CDHR5: variants seen among roughly 807,000 people sequenced by gnomAD.
The protein encoded by CDHR5 is cadherin related family member 5.
A neutral mutation model predicts 69.5 loss-of-function variants in CDHR5; 82 were observed. The observed-to-expected ratio is 1.18, with a 90% CI of 0.99 to 1.42. The LOEUF is 1.42. Ranked by LOEUF, CDHR5 falls within the 40% of genes most tolerant of loss-of-function variation. The pLI is 0.00. For synonymous variants in CDHR5, 601 were observed against 510.2 expected, an observed-to-expected ratio of 1.18 and a Z score of -2.40; for missense variants, 1,293 against 1,168.9, an observed-to-expected ratio of 1.11 and a Z score of -1.55.
In CDHR5 at chr11:624,188, C is replaced by T. The variant is rs374333125; in HGVS notation, c.312+25G>A. ...GCCCAGCAGAGGTGGCCGGGTGGGGCGGGGAGAGCGGGGCGGGGACTCACC... is the reference window on the plus strand; with the variant it reads ...GCCCAGCAGAGGTGGCCGGGTGGGGTGGGGAGAGCGGGGCGGGGACTCACC... On this transcript the variant is annotated intron_variant, in intron 3 of 14. Coordinates refer to ENST00000397542, the MANE Select transcript of CDHR5 (RefSeq NM_021924.5). The surrounding 1 kb of genome is among the most constrained non-coding windows in gnomAD (Gnocchi z 5.3). 19 of 537,180 alleles carry T rather than the reference C, an allele frequency of 3.5e-5. No individual in the cohort carries two copies. The highest frequency in any genetic ancestry group is 5.0e-4 in the Middle Eastern group (1 of 2,006). The allele number at this position is 537,180 out of a possible 1,614,324, so 33.3% of individuals were successfully genotyped here.
rs750099908 is a variant in CDHR5, at chr11:624,764, C to T, written c.86-32G>A. ...GGTTGCAGAGGAGGGATCAGTGCCT[C>T]CCAGCCCCTGGCTCCCCGCCGCCCG... On this transcript the variant is annotated intron_variant, in intron 1 of 14. Coordinates refer to ENST00000397542, the MANE Select transcript of CDHR5 (RefSeq NM_021924.5). The surrounding 1 kb of genome is among the most constrained non-coding windows in gnomAD (Gnocchi z 5.3). The T allele has an allele frequency of 7.5e-6, 12 of 1,603,800 alleles. No homozygotes were observed. The highest frequency in any genetic ancestry group is 1.0e-5 in the Non-Finnish European group (12 of 1,173,562).
chr11:616,949 G>GATC lies in CDHR5; in HGVS notation c.*401_*402insGAT. On this transcript the variant is annotated 3_prime_UTR_variant, in exon 15 of 15. Coordinates refer to ENST00000397542, the MANE Select transcript of CDHR5 (RefSeq NM_021924.5). ...CCTCCCCAGGCAATCTCTGTGTAGG[G>GATC]TCGGGAGCGGGAGGTCTGAGATGAG... 4.6e-6 allele frequency: 1 copy of GATC among 217,000 alleles called. No individual in the cohort carries two copies. The highest frequency in any genetic ancestry group is 9.3e-6 in the Non-Finnish European group (1 of 107,762). 13.4% of individuals were successfully genotyped at this position (217,000 alleles called of 1,614,324 possible).
Position 624,450 on chromosome 11 carries a change from G to A in CDHR5, c.261+107C>T. On this transcript the variant is annotated intron_variant, in intron 2 of 14. Transcript: ENST00000397542. This position sits in a 1 kb window ranked among gnomAD's most constrained non-coding sequence, Gnocchi z 5.3. ...GGCACCACCAAGCATGGGTGTCAGT[G>A]GATGCCCGCAGGCATAGAACTCCTA... The A allele has an allele frequency of 8.6e-7, 1 of 1,161,628 alleles. No homozygotes were observed. The allele number at this position is 1,161,628 out of a possible 1,614,324, so 72.0% of individuals were successfully genotyped here.
In CDHR5 at chr11:621,895, G is replaced by A. The variant is rs1022918736; in HGVS notation, c.322C>T (p.Leu108=). Residue 108 remains leucine, a synonymous_variant, in exon 4 of 15, where the codon CTA becomes TTA. Coordinates refer to ENST00000397542, the MANE Select transcript of CDHR5 (RefSeq NM_021924.5). This position sits in a 1 kb window ranked among gnomAD's most constrained non-coding sequence, Gnocchi z 4.4. ...CQSGGTLVTQ[L]RVFVSVLDVN... is the part of the protein sequence containing the mutation. ...TCCAGCACTGACACGAACACCCTTAGCTGGGTCACCTGCAGGATGTGGCCG... is the reference window on the plus strand; with the variant it reads ...TCCAGCACTGACACGAACACCCTTAACTGGGTCACCTGCAGGATGTGGCCG... 5.6e-6 allele frequency: 9 copies of A among 1,612,912 alleles called. No homozygotes were observed. The highest frequency in any genetic ancestry group is 1.3e-5 in the African/African-American group (1 of 75,018).
Position 619,516 on chromosome 11 carries a change from C to T in CDHR5, c.1251G>A (p.Leu417=). Residue 417 remains leucine, a synonymous_variant, in exon 11 of 15, where the codon CTG becomes CTA. Coordinates refer to ENST00000397542, the MANE Select transcript of CDHR5 (RefSeq NM_021924.5). Reference sequence around the variant, plus strand: ...CCGCCTGTGCCAGTGTGGTGGTGGTCAGCACAACCTCTCCCTCCATCCGGA... The same window carrying T: ...CCGCCTGTGCCAGTGTGGTGGTGGTTAGCACAACCTCTCCCTCCATCCGGA... ...SHFRMEGEVV[L]TTTTLAQAGA... 6.2e-7 allele frequency: 1 copy of T among 1,613,968 alleles called. No homozygotes were observed. Among genetic ancestry groups the T allele is most frequent in the Non-Finnish European group, 8.5e-7 (1 of 1,179,928 alleles).
At chr11:623,196 C>T (rs1857522920) in intron 3 of CDHR5, among the ~76,000 whole-genome samples, 2 of 152,232 alleles carry the variant, frequency 1.3e-5, no homozygotes, top group Admixed American at 6.5e-5. Context: ...GTAATCCCAG[C>T]TACTCAAGAG....
In CDHR5 at chr11:617,039, C is replaced by T. The variant is rs954164695; in HGVS notation, c.*312G>A. On this transcript the variant is annotated 3_prime_UTR_variant, in exon 15 of 15. Coordinates refer to ENST00000397542, the MANE Select transcript of CDHR5 (RefSeq NM_021924.5). ...AGCCCCCCTCGGGCTGTGGTTAGAGCGGGAGAGGAACTTCCCAGACTAGCT... is the reference window on the plus strand; with the variant it reads ...AGCCCCCCTCGGGCTGTGGTTAGAGTGGGAGAGGAACTTCCCAGACTAGCT... The T allele has an allele frequency of 1.7e-5, 7 of 410,020 alleles. No homozygotes were observed. Among genetic ancestry groups the T allele is most frequent in the East Asian group, 4.3e-5 (1 of 23,516 alleles). The allele number at this position is 410,020 out of a possible 1,614,324, so 25.4% of individuals were successfully genotyped here. A position where few individuals can be genotyped will look rare whatever the true frequency, so the allele number is the denominator to read the frequency against.
rs781407496 is a variant in CDHR5 at position 624,401 on chromosome 11, G to T, written c.262-138C>A. ...GTGTGGGCCCAGGCAGCTTCATCCC[G>T]AAATGGCCCAGCCTTCTAGGGCAGG... On this transcript the variant is annotated intron_variant, in intron 2 of 14. Coordinates refer to ENST00000397542, the MANE Select transcript of CDHR5 (RefSeq NM_021924.5). This position sits in a 1 kb window ranked among gnomAD's most constrained non-coding sequence, Gnocchi z 5.3. 24 of 829,944 alleles carry T rather than the reference G, an allele frequency of 2.9e-5. No homozygotes were observed. Among genetic ancestry groups the T allele is most frequent in the Non-Finnish European group, 4.1e-5 (20 of 484,918 alleles). The allele number at this position is 829,944 out of a possible 1,614,324, so 51.4% of individuals were successfully genotyped here.
At chr11:620,043 C>A in intron 9 of CDHR5, 24 bp downstream of exon 9, 1 of 1,554,492 alleles carries the variant, frequency 6.4e-7, no homozygotes, top group Non-Finnish European at 8.8e-7. Context: ...TCTGCCCTGC[C>A]CCCCATGCAG....
intron 3 of CDHR5, among the ~76,000 whole-genome samples, chr11:623,206 G>C (rs1162128143): frequency 6.6e-6 from 1 of 152,148 alleles, no homozygotes; most frequent in Non-Finnish European, 1.5e-5. Flanking sequence ...CTACTCAAGA[G>C]GCTGAGGCAG....
Position 624,603 on chromosome 11 carries a change from C to T in CDHR5, c.215G>A (p.Arg72Gln), listed in dbSNP as rs139547902. Residue 72 changes from arginine (R) to glutamine (Q), a missense_variant, in exon 2 of 15, where the codon CGG becomes CAG. By Grantham distance (43) the Arg-to-Gln change is conservative. Coordinates refer to ENST00000397542, the MANE Select transcript of CDHR5 (RefSeq NM_021924.5). This position sits in a 1 kb window ranked among gnomAD's most constrained non-coding sequence, Gnocchi z 5.3. ...LGALSTPFAF[R>Q]IQGNQLFLNV... is the part of the protein sequence containing the mutation. ...GAGAAACAGCTGGTTTCCCTGGATC[C>T]GAAATGCAAAGGGGGTGGACAAGGC... 3.2e-5 allele frequency: 51 copies of T among 1,611,220 alleles called. No homozygotes were observed. Among genetic ancestry groups the T allele is most frequent in the East Asian group, 1.8e-4 (8 of 44,812 alleles).
In CDHR5 at chr11:624,161, G is replaced by A. The variant is rs1032753374; in HGVS notation, c.312+52C>T. The A allele has an allele frequency of 5.5e-6, 4 of 729,284 alleles. No individual in the cohort carries two copies. The Admixed American group carries it at 5.8e-5, about 11-fold the overall frequency. The allele number at this position is 729,284 out of a possible 1,614,324, so 45.2% of individuals were successfully genotyped here. A position where few individuals can be genotyped will look rare whatever the true frequency, so the allele number is the denominator to read the frequency against. On this transcript the variant is annotated intron_variant, in intron 3 of 14. Coordinates refer to ENST00000397542, the MANE Select transcript of CDHR5 (RefSeq NM_021924.5). This position sits in a 1 kb window ranked among gnomAD's most constrained non-coding sequence, Gnocchi z 5.3. ...AGACTGGTCCTGGACCGGCAGGGCAGAGCCCAGCAGAGGTGGCCGGGTGGG... is the reference window on the plus strand; with the variant it reads ...AGACTGGTCCTGGACCGGCAGGGCAAAGCCCAGCAGAGGTGGCCGGGTGGG...
Position 621,024 on chromosome 11 carries a change from G to C in CDHR5, c.789+56C>G. 2 of 1,317,258 alleles carry C rather than the reference G, an allele frequency of 1.5e-6. No individual in the cohort carries two copies. The highest frequency in any genetic ancestry group is 2.1e-6 in the Non-Finnish European group (2 of 974,880). 81.6% of individuals were successfully genotyped at this position (1,317,258 alleles called of 1,614,324 possible). ...TCCTCTCCTGATCCTGGCCGTCCCT[G>C]TGTCCAGCCTGCCTAGAAGGCCCTG... On this transcript the variant is annotated intron_variant, in intron 7 of 14. Coordinates refer to ENST00000397542, the MANE Select transcript of CDHR5 (RefSeq NM_021924.5). This position sits in a 1 kb window ranked among gnomAD's most constrained non-coding sequence, Gnocchi z 4.4.
Position 624,632 on chromosome 11 carries a change from G to C in CDHR5, c.186C>G (p.Leu62=), listed in dbSNP as rs373784007. The change falls in exon 2 of 15, where the codon CTC becomes CTG. Residue 62 remains leucine (L), a synonymous_variant. Transcript: ENST00000397542. This position sits in a 1 kb window ranked among gnomAD's most constrained non-coding sequence, Gnocchi z 5.3. ...IHVPEGQEVT[L]GALSTPFAFR... ...ATGCAAAGGGGGTGGACAAGGCTCC[G>C]AGGGTCACCTCCTGGCCCTCCGGGA... The C allele has an allele frequency of 5.0e-6, 8 of 1,613,146 alleles. No homozygotes were observed. In the African/African-American group the frequency reaches 1.1e-4, roughly 22 times the overall value.
At chr11:620,005 C>G in intron 9 of CDHR5, 62 bp downstream of exon 9, 2 of 1,239,246 alleles carry the variant, frequency 1.6e-6, no homozygotes, top group South Asian at 2.8e-5. Flanking sequence ...CAGCCCTGAC[C>G]CCCCGCCCTA....
chr11:622,494 T>G (rs182661644), intron 3 of CDHR5, among the ~76,000 whole-genome samples: 4 of 151,828 alleles, frequency 2.6e-5, no homozygotes, highest in Admixed American at 2.0e-4. Context: ...TCTCGCTCTG[T>G]CGTCACCCAG....
chr11:623,881 G>T (rs1438936684), intron 3 of CDHR5, among the ~76,000 whole-genome samples: 1 of 152,084 alleles, frequency 6.6e-6, no homozygotes, highest in African/African-American at 2.4e-5. Context: ...CCAGTGGGGG[G>T]CTGTGGGGGA....
intron 11 of CDHR5, 40 bp from the exon 12 acceptor site, chr11:619,430 T>G: frequency 6.2e-7 from 1 of 1,606,382 alleles, no homozygotes; most frequent in Non-Finnish European, 8.5e-7. Context: ...GACACATCTT[T>G]AAGCCCCACA....
intron 13 of CDHR5, 142 bp downstream of exon 13, chr11:618,457 C>T: frequency 1.9e-6 from 2 of 1,026,154 alleles, no homozygotes; most frequent in Middle Eastern, 3.1e-4. Context: ...TTGGGCCTGT[C>T]TGTGTCTGTC....
Sources: allele counts gnomAD v4.1 joint callset (sites outside exome capture counted in the v4.1 genomes callset), GRCh38; gene constraint gnomAD v4.1.1; non-coding constraint Gnocchi (gnomAD v3.1); transcripts MANE v1.5; gene names NCBI Gene and HGNC (gene_info 2026-07-23, HGNC 2026-07-21).